The following P2RY8 variants were observed in gnomAD, a reference collection of about 807,000 sequenced individuals.
P2RY8 encodes P2Y receptor family member 8.
In P2RY8, 6 loss-of-function variants were observed where a neutral mutation model predicts 10.0. The observed-to-expected ratio is 0.60, with a 90% CI of 0.33 to 1.19. The LOEUF is 1.19. P2RY8 is among the 50% of genes most tolerant of loss of function. The pLI is 0.04. For synonymous variants in P2RY8, 276 were observed against 252.5 expected, an observed-to-expected ratio of 1.09 and a Z score of -0.88; for missense variants, 456 against 542.0, an observed-to-expected ratio of 0.84 and a Z score of 1.58.
chrX:1,473,678 G>GAA (rs2091830537), intron 1 of P2RY8, among the ~76,000 whole-genome samples: 1 of 134,978 alleles, frequency 7.4e-6, no homozygotes. Context: ...ATGGGTGGAT[G>GAA]TATAGATGAG....
At chrX:1,521,239 A>G (rs1468436356) in intron 1 of P2RY8, among the ~76,000 whole-genome samples, 1 of 151,694 alleles carries the variant, frequency 6.6e-6, no homozygotes, top group Non-Finnish European at 1.5e-5. Flanking sequence ...GTAGAGACGG[A>G]GTTTCACTAT....
At chrX:1,500,727 C>CGA (rs1475629234) in intron 1 of P2RY8, among the ~76,000 whole-genome samples, 2 of 152,064 alleles carry the variant, frequency 1.3e-5, no homozygotes, top group African/African-American at 4.8e-5. Context: ...GGATTACAGG[C>CGA]GAGAGGCCCT....
chrX:1,474,416 C>T (rs1367648001), intron 1 of P2RY8, among the ~76,000 whole-genome samples: 1 of 61,728 alleles, frequency 1.6e-5, no homozygotes, highest in Admixed American at 1.8e-4. Context: ...GGTGGATGGA[C>T]GTGTGAGTGG....
chrX:1,505,769 G>A (rs1312780436), intron 1 of P2RY8, among the ~76,000 whole-genome samples: 9 of 152,030 alleles, frequency 5.9e-5, no homozygotes, highest in Admixed American at 1.3e-4. Context: ...CAGCTTGGGC[G>A]ACAGAGCAAG....
At position 1,492,313 on chromosome X, in the gene P2RY8, T is replaced by C. The variant is rs753398671; in HGVS notation, c.-24-25731A>G. Among the ~76,000 whole-genome samples the C allele has an allele frequency of 2.1e-3, 320 of 152,214 alleles. 1 individual carries two copies. Among genetic ancestry groups the C allele is most frequent in the Non-Finnish European group, 3.6e-3 (246 of 67,992 alleles). On this transcript the variant is annotated intron_variant, in intron 1 of 1. Transcript: ENST00000381297. Reference sequence around the variant, plus strand: ...TGTTCATAAAAATTATCTCAAGCAGTGGTCATTTGTTTCTGACATGGCTGG... The same window carrying C: ...TGTTCATAAAAATTATCTCAAGCAGCGGTCATTTGTTTCTGACATGGCTGG...
intron 1 of P2RY8, among the ~76,000 whole-genome samples, chrX:1,524,948 T>C (rs1450540456): frequency 6.6e-6 from 1 of 152,058 alleles, no homozygotes; most frequent in Non-Finnish European, 1.5e-5. Context: ...CACTCATTCA[T>C]TCACCTGTCT....
chrX:1,477,836 G>T lies in P2RY8; in HGVS notation c.-24-11254C>A, dbSNP rs146922705. 4.1e-3 allele frequency among the ~76,000 whole-genome samples: 625 copies of T among 152,318 alleles called. 3 individuals are homozygous for T. Among genetic ancestry groups the T allele is most frequent in the African/African-American group, 0.014 (591 of 41,562 alleles). Reference sequence around the variant, plus strand: ...CAGGAGTACTTTCCAAAGAATGTCTGCAAGAGGCTTTCGGGGAGAGAAAAG... The same window carrying T: ...CAGGAGTACTTTCCAAAGAATGTCTTCAAGAGGCTTTCGGGGAGAGAAAAG... On this transcript the variant is annotated intron_variant, in intron 1 of 1. Transcript: ENST00000381297.
chrX:1,503,299 T>C (rs1338254610), intron 1 of P2RY8, among the ~76,000 whole-genome samples: 1 of 152,172 alleles, frequency 6.6e-6, no homozygotes, highest in East Asian at 1.9e-4. Context: ...TGTAAGAAAG[T>C]AAATTCCTGT....
intron 1 of P2RY8, among the ~76,000 whole-genome samples, chrX:1,468,140 G>C (rs1256453344): frequency 6.6e-6 from 1 of 151,572 alleles, no homozygotes; most frequent in Non-Finnish European, 1.5e-5. Context: ...GTTTGGCTAT[G>C]TTGCCCAGGC....
At chrX:1,527,380 C>A (rs73186961) in intron 1 of P2RY8, among the ~76,000 whole-genome samples, 14,809 of 151,568 alleles carry the variant, frequency 0.098, 817 homozygotes, top group African/African-American at 0.12. Flanking sequence ...TTCATTTGCC[C>A]ATTCATTTAT....
chrX:1,494,869 A>AT (rs59572174), intron 1 of P2RY8, among the ~76,000 whole-genome samples: 4,983 of 143,850 alleles, frequency 0.035, 261 homozygotes, highest in African/African-American at 0.11. Flanking sequence ...CACCTGGCTA[A>AT]TTTTTTTTTT....
chrX:1,472,080 A>G (rs1355547855), intron 1 of P2RY8, among the ~76,000 whole-genome samples: 2 of 152,138 alleles, frequency 1.3e-5, no homozygotes, highest in African/African-American at 4.8e-5. Context: ...AAGACAAAAC[A>G]GACGCTGGCT....
In P2RY8 at chrX:1,484,746, AAAGAAG is replaced by A. The variant is rs1291013790; in HGVS notation, c.-24-18170_-24-18165del. ...CTGTAAAAAAAAAAAAAAAAAAAAA[AAAGAAG>A]AAGAAGAAGAAGAAGCGGCAGCTGG... On this transcript the variant is annotated intron_variant, in intron 1 of 1. Coordinates refer to ENST00000381297, the MANE Select transcript of P2RY8 (RefSeq NM_178129.5). Among the ~76,000 whole-genome samples, 450 of 110,256 alleles carry A rather than the reference AAAGAAG, an allele frequency of 4.1e-3. 1 individual carries two copies. The highest frequency in any genetic ancestry group is 6.3e-3 in the Non-Finnish European group (343 of 54,630). The allele number at this position is 110,256 out of a possible 152,430, so 72.3% of individuals were successfully genotyped here. A position where few individuals can be genotyped will look rare whatever the true frequency, so the allele number is the denominator to read the frequency against.
At chrX:1,473,751 A>T (rs2091833154) in intron 1 of P2RY8, among the ~76,000 whole-genome samples, 1 of 110,560 alleles carries the variant, frequency 9.0e-6, no homozygotes, top group Non-Finnish European at 1.8e-5. Context: ...TGGATGATGA[A>T]TGGATGGGGA....
chrX:1,521,942 C>CTCTTTT (rs2092395135), intron 1 of P2RY8, among the ~76,000 whole-genome samples: 1 of 48,694 alleles, frequency 2.1e-5, no homozygotes, highest in Non-Finnish European at 3.7e-5. Context: ...CTCTCTCGCT[C>CTCTTTT]TCTTTTTTTT....
At chrX:1,500,701 C>G (rs1326631877) in intron 1 of P2RY8, among the ~76,000 whole-genome samples, 1 of 152,028 alleles carries the variant, frequency 6.6e-6, no homozygotes, top group Non-Finnish European at 1.5e-5. Context: ...TCCAACCTAG[C>G]CCTCCCAAAG....
rs1201683452 is a variant in P2RY8 at position 1,508,704 on chromosome X, T to TCTA, written c.-25+28216_-25+28217insTAG. On this transcript the variant is annotated intron_variant, in intron 1 of 1. Transcript: ENST00000381297. ...CATCATCCATCCATCCATCCATCCATTCTATCTATCTATCTATCTATCTAT... is the reference window on the plus strand; with the variant it reads ...CATCATCCATCCATCCATCCATCCATCTATCTATCTATCTATCTATCTATCTAT... Among the ~76,000 whole-genome samples, 9 of 112,084 alleles carry TCTA rather than the reference T, an allele frequency of 8.0e-5. No individual in the cohort carries two copies. The South Asian group carries it at 8.7e-4, about 11-fold the overall frequency. The allele number at this position is 112,084 out of a possible 152,430, so 73.5% of individuals were successfully genotyped here. A position where few individuals can be genotyped will look rare whatever the true frequency, so the allele number is the denominator to read the frequency against.
intron 1 of P2RY8, among the ~76,000 whole-genome samples, chrX:1,524,605 CTATCCATCCATCCATCCATT>C (rs2092421934): frequency 2.4e-5 from 3 of 123,534 alleles, no homozygotes; most frequent in South Asian, 3.2e-4. Context: ...ATTCATCCAT[CTATCCATCCATCCATCCATT>C]CATCCATCCA....
intron 1 of P2RY8, among the ~76,000 whole-genome samples, chrX:1,478,780 G>A (rs1403259547): frequency 6.6e-6 from 1 of 152,038 alleles, no homozygotes; most frequent in African/African-American, 2.4e-5. Context: ...TCCCGGTACA[G>A]GTATCTTTTT....
Sources: gnomAD v4.1 joint callset for allele counts (sites outside exome capture counted in the v4.1 genomes callset) on GRCh38, gnomAD v4.1.1 for gene constraint, MANE v1.5 for transcripts, NCBI Gene and HGNC (gene_info 2026-07-23, HGNC 2026-07-21) for gene names.